SLC8B1: variants seen among roughly 807,000 people sequenced by gnomAD.
SLC8B1 encodes solute carrier family 8 member B1, also known as mitochondrial sodium/calcium exchanger protein.
A neutral mutation model predicts 63.4 loss-of-function variants in SLC8B1; 52 were observed. The ratio of observed to expected loss-of-function variants is 0.82; its 90% CI spans 0.66 to 1.03. The LOEUF (loss-of-function observed/expected upper bound fraction) is 1.03, where lower values mean the gene tolerates loss of function less well. Ranked by LOEUF, SLC8B1 falls within the 50% of genes least tolerant of loss-of-function variation. The pLI, the probability that SLC8B1 is intolerant of heterozygous loss-of-function variation, is 0.00. For synonymous variants in SLC8B1, 336 were observed against 323.9 expected, an observed-to-expected ratio of 1.04 and a Z score of -0.40; for missense variants, 657 against 741.7, an observed-to-expected ratio of 0.89 and a Z score of 1.33.
At chr12:113,318,745 A>T (rs1037378984) in intron 8 of SLC8B1, among the ~76,000 whole-genome samples, 2 of 152,122 alleles carry the variant, frequency 1.3e-5, no homozygotes, top group African/African-American at 4.8e-5. Context: ...AACTGCATAG[A>T]GAGAAGGAAG....
At chr12:113,333,096 T>A (rs913381366) in intron 1 of SLC8B1, 136 bp from the exon 2 acceptor site, 3 of 593,134 alleles carry the variant, frequency 5.1e-6, no homozygotes, top group Non-Finnish European at 8.8e-6. Flanking sequence ...AGAAACCATG[T>A]TCTGCACAGT....
At chr12:113,315,230 C>T (rs546270693) in intron 11 of SLC8B1, 105 bp downstream of exon 11, 6 of 1,202,030 alleles carry the variant, frequency 5.0e-6, no homozygotes, top group Non-Finnish European at 6.7e-6. Context: ...AGGGAGGTTG[C>T]AGTGAGCTGA....
intron 1 of SLC8B1, among the ~76,000 whole-genome samples, chr12:113,333,400 A>G (rs1957083866): frequency 6.6e-6 from 1 of 152,246 alleles, no homozygotes; most frequent in Non-Finnish European, 1.5e-5. Context: ...CACCAGTTTG[A>G]GACGTAGAGA....
rs1160685131 is a variant in SLC8B1, at chr12:113,306,054, G to A, written c.1492+441C>T. On this transcript the variant is annotated intron_variant, in intron 14 of 15. Coordinates refer to ENST00000680972, the MANE Select transcript of SLC8B1 (RefSeq NM_001358345.2). ...AGCCTGGGCAACCGAGCCAGACTCC[G>A]TCCCCACCCTGCAAAAAAAAAAAAA... Among the ~76,000 whole-genome samples, 4 of 101,658 alleles carry A rather than the reference G, an allele frequency of 3.9e-5. No individual in the cohort carries two copies. In the East Asian group the frequency reaches 8.6e-4, roughly 22 times the overall value. 66.7% of individuals were successfully genotyped at this position (101,658 alleles called of 152,430 possible). A position where few individuals can be genotyped will look rare whatever the true frequency, so the allele number is the denominator to read the frequency against.
At chr12:113,319,119 C>T in intron 7 of SLC8B1, 48 bp from the exon 8 acceptor site, 1 of 1,438,700 alleles carries the variant, frequency 7.0e-7, no homozygotes, top group Non-Finnish European at 9.8e-7. Flanking sequence ...TGGTGCAGGT[C>T]TAGAGAACAA....
At chr12:113,301,333 CTTTTT>C (rs61095726) in intron 15 of SLC8B1, among the ~76,000 whole-genome samples, 5 of 107,624 alleles carry the variant, frequency 4.6e-5, no homozygotes, top group African/African-American at 1.2e-4. Flanking sequence ...CTTTATAAGG[CTTTTT>C]TTTTTTTTTT....
chr12:113,307,170 CAA>C (rs1385335526), intron 13 of SLC8B1, among the ~76,000 whole-genome samples: 4 of 114,006 alleles, frequency 3.5e-5, no homozygotes, highest in African/African-American at 9.8e-5. Flanking sequence ...ACCAATTTTT[CAA>C]AGTCTCATCT....
chr12:113,304,611 C>A (rs1166360533), intron 14 of SLC8B1, among the ~76,000 whole-genome samples: 2 of 151,942 alleles, frequency 1.3e-5, no homozygotes, highest in African/African-American at 4.8e-5. Context: ...CAGAGTGAGA[C>A]CCGTCTCAAA....
chr12:113,306,690 CA>C, intron 13 of SLC8B1, 115 bp from the exon 14 acceptor site: 9 of 830,802 alleles, frequency 1.1e-5, no homozygotes, highest in South Asian at 1.5e-5. Flanking sequence ...GATGGATGCC[CA>C]AGTGTGCCTG....
rs929018419 is a variant in SLC8B1, at chr12:113,306,485, C to T, written c.1492+10G>A. 3.7e-6 allele frequency: 6 copies of T among 1,607,842 alleles called. No homozygotes were observed. The highest frequency in any genetic ancestry group is 5.1e-6 in the Non-Finnish European group (6 of 1,176,624). On this transcript the variant is annotated intron_variant, in intron 14 of 15. Coordinates refer to ENST00000680972, the MANE Select transcript of SLC8B1 (RefSeq NM_001358345.2). ...CAGTGCTAAGGCCAAGAACAGACCACAAAGGATACTGAAGATGATGCCGCC... is the reference window on the plus strand; with the variant it reads ...CAGTGCTAAGGCCAAGAACAGACCATAAAGGATACTGAAGATGATGCCGCC...
chr12:113,307,980 T>G, intron 12 of SLC8B1, 136 bp from the exon 13 acceptor site: 1 of 1,007,310 alleles, frequency 9.9e-7, no homozygotes, highest in Non-Finnish European at 1.4e-6. Flanking sequence ...CGTTACTATA[T>G]GCATTGGTGC....
chr12:113,307,090 GAC>G lies in SLC8B1; in HGVS notation c.1412-517_1412-516del, dbSNP rs1781397568. Among the ~76,000 whole-genome samples the G allele has an allele frequency of 3.5e-5, 4 of 114,236 alleles. No homozygotes were observed. In the South Asian group the frequency reaches 1.2e-3, roughly 35 times the overall value. The allele number at this position is 114,236 out of a possible 152,430, so 74.9% of individuals were successfully genotyped here. A position where few individuals can be genotyped will look rare whatever the true frequency, so the allele number is the denominator to read the frequency against. ...CACACCATTGCACTCCAGCCTGGGC[GAC>G]AGAGCAAGCCTCCATCTCAAAAAAA... On this transcript the variant is annotated intron_variant, in intron 13 of 15. Coordinates refer to ENST00000680972, the MANE Select transcript of SLC8B1 (RefSeq NM_001358345.2).
At chr12:113,312,000 T>C (rs1460156691) in intron 11 of SLC8B1, among the ~76,000 whole-genome samples, 1 of 151,900 alleles carries the variant, frequency 6.6e-6, no homozygotes, top group Non-Finnish European at 1.5e-5. Context: ...GGCTGGGGCG[T>C]GAAGACACTG....
rs1957104674 is a variant in SLC8B1 at position 113,334,640 on chromosome 12, G to A, written c.-280C>T. The stretch of plus-strand genomic sequence containing the variant: ...CCTCTTATTCCTCATGTGTGAAATG[G>A]ACACAAATGCTGGCCGACGCGGTAT... On this transcript the variant is annotated 5_prime_UTR_variant, in exon 1 of 16. Coordinates refer to ENST00000680972, the MANE Select transcript of SLC8B1 (RefSeq NM_001358345.2). 6.6e-6 allele frequency: 1 copy of A among 152,222 alleles called. No homozygotes were observed. Among genetic ancestry groups the A allele is most frequent in the Non-Finnish European group, 1.5e-5 (1 of 68,040 alleles). 9.4% of individuals were successfully genotyped at this position (152,222 alleles called of 1,614,324 possible). A position where few individuals can be genotyped will look rare whatever the true frequency, so the allele number is the denominator to read the frequency against.
At chr12:113,303,708 C>T (rs1020753718) in intron 15 of SLC8B1, among the ~76,000 whole-genome samples, 1 of 152,188 alleles carries the variant, frequency 6.6e-6, no homozygotes, top group South Asian at 2.1e-4. Context: ...TATCTGGCCA[C>T]ATGCTACCTA....
chr12:113,303,071 T>TACACACAC lies in SLC8B1; in HGVS notation c.1557+1242_1557+1249dup, dbSNP rs368824979. Among the ~76,000 whole-genome samples, 201 of 130,234 alleles carry TACACACAC rather than the reference T, an allele frequency of 1.5e-3. 1 individual carries two copies. The highest frequency in any genetic ancestry group is 8.3e-3 in the Middle Eastern group (2 of 240). The allele number at this position is 130,234 out of a possible 152,430, so 85.4% of individuals were successfully genotyped here. A position where few individuals can be genotyped will look rare whatever the true frequency, so the allele number is the denominator to read the frequency against. Reference sequence around the variant, plus strand: ...GGTGGTAGACACACACACACACACGTACACACACACACACACTTCCTAAAC... The same window carrying TACACACAC: ...GGTGGTAGACACACACACACACACGTACACACACACACACACACACACACTTCCTAAAC... On this transcript the variant is annotated intron_variant, in intron 15 of 15. Coordinates refer to ENST00000680972, the MANE Select transcript of SLC8B1 (RefSeq NM_001358345.2).
In SLC8B1 at chr12:113,299,566, A is replaced by G. The variant is rs1956539896; in HGVS notation, c.*211T>C. 1 of 574,632 alleles carries G rather than the reference A, an allele frequency of 1.7e-6. No homozygotes were observed. Among genetic ancestry groups the G allele is most frequent in the East Asian group, 3.0e-5 (1 of 33,362 alleles). The allele number at this position is 574,632 out of a possible 1,614,324, so 35.6% of individuals were successfully genotyped here. On this transcript the variant is annotated 3_prime_UTR_variant, in exon 16 of 16. Transcript: ENST00000680972. ...TTGTCCAGAGCAAAGCCAGGTTTCC[A>G]AGGTCCCCACGGCAAGGCTGTTGGG...
intron 13 of SLC8B1, 65 bp from the exon 14 acceptor site, chr12:113,306,640 G>A (rs763638625): frequency 2.0e-5 from 27 of 1,325,828 alleles, no homozygotes; most frequent in South Asian, 1.7e-4. Context: ...GGTCATCCAC[G>A]CCTTCATTCT....
chr12:113,302,967 G>A lies in SLC8B1; in HGVS notation c.1557+1354C>T, dbSNP rs530854389. 4.6e-5 allele frequency among the ~76,000 whole-genome samples: 7 copies of A among 152,080 alleles called. No homozygotes were observed. The South Asian group carries it at 1.2e-3, about 27-fold the overall frequency. ...TGATGTCTCATGCCATTTAACGGCA[G>A]GAGCGTTTCCTAAACTCAGCACAAA... is the stretch of plus-strand genomic sequence containing the variant. On this transcript the variant is annotated intron_variant, in intron 15 of 15. Transcript: ENST00000680972.
Sources: gnomAD v4.1 joint callset for allele counts (sites outside exome capture counted in the v4.1 genomes callset) on GRCh38, gnomAD v4.1.1 for gene constraint, MANE v1.5 for transcripts, NCBI Gene and HGNC (gene_info 2026-07-23, HGNC 2026-07-21) for gene names.